Variants in GTF2IRD1 observed in about 807,000 individuals in gnomAD.
GTF2IRD1 encodes general transcription factor II-I repeat domain-containing protein 1.
Under a neutral mutation model 113.2 loss-of-function variants are expected in GTF2IRD1, and 26 were observed. That is an observed-to-expected ratio of 0.23 (90% CI 0.17 to 0.32). The LOEUF (loss-of-function observed/expected upper bound fraction) is 0.32, where lower values mean the gene tolerates loss of function less well. Ranked by LOEUF, GTF2IRD1 falls within the 10% of genes least tolerant of loss-of-function variation. The pLI, the probability that GTF2IRD1 is intolerant of heterozygous loss-of-function variation, is 1.00. For synonymous variants in GTF2IRD1, 484 were observed against 529.1 expected (o/e 0.91, Z 1.17); for missense variants, 864 against 1,280.8 (o/e 0.67, Z 4.97).
chr7:74,502,023 C>G (rs1034475925), intron 1 of GTF2IRD1, among the ~76,000 whole-genome samples: 5 of 152,176 alleles, frequency 3.3e-5, no homozygotes, highest in African/African-American at 1.2e-4. Context: ...TCATAGCTCA[C>G]TACAGCCTCA....
At chr7:74,471,672 T>TAAAAAAAAAAA (rs66929736) in intron 1 of GTF2IRD1, among the ~76,000 whole-genome samples, 34 of 104,652 alleles carry the variant, frequency 3.2e-4, no homozygotes, top group South Asian at 1.1e-3. Context: ...TTGAAATATT[T>TAAAAAAAAAAA]AAAAAAAAAA....
At chr7:74,581,982 G>A (rs1221346674) in intron 22 of GTF2IRD1, among the ~76,000 whole-genome samples, 7 of 152,172 alleles carry the variant, frequency 4.6e-5, no homozygotes, top group Non-Finnish European at 1.0e-4. Context: ...GCTCCAGCCT[G>A]GGCAACAGAG....
At chr7:74,558,158 G>A (rs1554357758) in intron 20 of GTF2IRD1, among the ~76,000 whole-genome samples, 1 of 151,510 alleles carries the variant, frequency 6.6e-6, no homozygotes, top group Admixed American at 6.6e-5. Flanking sequence ...GCACACCTGT[G>A]GTCCCAGCTA....
At chr7:74,479,437 C>T (rs1321667363) in intron 1 of GTF2IRD1, among the ~76,000 whole-genome samples, 1 of 145,990 alleles carries the variant, frequency 6.8e-6, no homozygotes, top group African/African-American at 2.5e-5. Flanking sequence ...GTTTCCTGGG[C>T]AGCCAGTAAT....
At chr7:74,522,499 A>G (rs1417541890) in intron 7 of GTF2IRD1, among the ~76,000 whole-genome samples, 7 of 152,196 alleles carry the variant, frequency 4.6e-5, no homozygotes, top group African/African-American at 1.4e-4. Flanking sequence ...CAGAAGTTCT[A>G]GACCAGCCTG....
chr7:74,513,030 A>G (rs962006537), intron 3 of GTF2IRD1, 59 bp downstream of exon 3: 31 of 1,550,236 alleles, frequency 2.0e-5, no homozygotes, highest in Middle Eastern at 1.9e-4. Context: ...CAGGCGCTCT[A>G]GCCCATCTCT....
intron 1 of GTF2IRD1, among the ~76,000 whole-genome samples, chr7:74,493,993 G>A (rs1554337355): frequency 6.6e-6 from 1 of 152,146 alleles, no homozygotes; most frequent in East Asian, 1.9e-4. Context: ...CCCTCTTGGG[G>A]GGTACAGCAG....
At chr7:74,584,719 C>T (rs1383229868) in intron 22 of GTF2IRD1, among the ~76,000 whole-genome samples, 10 of 152,162 alleles carry the variant, frequency 6.6e-5, no homozygotes, top group African/African-American at 2.2e-4. Context: ...AAGGCTATTG[C>T]GTGACTCAGT....
chr7:74,581,998 C>T (rs1223840128), intron 22 of GTF2IRD1, among the ~76,000 whole-genome samples: 1 of 152,116 alleles, frequency 6.6e-6, no homozygotes, highest in Non-Finnish European at 1.5e-5. Flanking sequence ...CAGAGCCAGA[C>T]CATCTCAACT....
intron 1 of GTF2IRD1, among the ~76,000 whole-genome samples, chr7:74,469,957 T>G (rs1793982137): frequency 6.6e-6 from 1 of 152,094 alleles, no homozygotes; most frequent in Admixed American, 6.6e-5. Context: ...TCATATTCTT[T>G]ATTATGATAT....
At chr7:74,509,250 G>A (rs557243474) in intron 2 of GTF2IRD1, among the ~76,000 whole-genome samples, 4 of 152,074 alleles carry the variant, frequency 2.6e-5, no homozygotes, top group South Asian at 2.1e-4. Context: ...CCAGCTACTC[G>A]GGAGGCTGAG....
chr7:74,482,923 G>A (rs1794823850), intron 1 of GTF2IRD1, among the ~76,000 whole-genome samples: 1 of 152,162 alleles, frequency 6.6e-6, no homozygotes, highest in Admixed American at 6.6e-5. Context: ...CAGGTCTTGC[G>A]CTGAAATTCG....
chr7:74,470,835 G>T (rs1466384874), intron 1 of GTF2IRD1, among the ~76,000 whole-genome samples: 1 of 151,926 alleles, frequency 6.6e-6, no homozygotes, highest in Non-Finnish European at 1.5e-5. Flanking sequence ...ACGGAGCCTT[G>T]CTCTCTTGCC....
At chr7:74,585,612 T>G (rs1801675856) in intron 22 of GTF2IRD1, among the ~76,000 whole-genome samples, 1 of 151,990 alleles carries the variant, frequency 6.6e-6, no homozygotes, top group South Asian at 2.1e-4. Flanking sequence ...CTGGGCATGG[T>G]GGTTCACGTC....
intron 13 of GTF2IRD1, 69 bp from the exon 14 acceptor site, chr7:74,539,810 G>A: frequency 9.3e-7 from 1 of 1,072,400 alleles, no homozygotes; most frequent in South Asian, 1.3e-5. Flanking sequence ...GGCTGGGTGG[G>A]CCCTGAGGGA....
At chr7:74,598,547 C>T (rs112806573) in intron 25 of GTF2IRD1, among the ~76,000 whole-genome samples, 30,460 of 151,656 alleles carry the variant, frequency 0.2, 3,196 homozygotes, top group East Asian at 0.28. Context: ...ACCCAGGAAG[C>T]GGCGGTTGCA....
chr7:74,530,726 A>AG (rs1797917693), intron 9 of GTF2IRD1, among the ~76,000 whole-genome samples: 1 of 151,840 alleles, frequency 6.6e-6, no homozygotes, highest in Non-Finnish European at 1.5e-5. Flanking sequence ...AATAAGCATG[A>AG]GGTGTTTTTT....
chr7:74,595,467 G>C (rs1802356287), intron 25 of GTF2IRD1, among the ~76,000 whole-genome samples: 1 of 151,444 alleles, frequency 6.6e-6, no homozygotes, highest in South Asian at 2.1e-4. Flanking sequence ...AGGCTGCAAT[G>C]AGTTATGATT....
intron 1 of GTF2IRD1, among the ~76,000 whole-genome samples, chr7:74,494,034 C>A (rs1489162948): frequency 6.6e-6 from 1 of 152,146 alleles, no homozygotes; most frequent in Non-Finnish European, 1.5e-5. Flanking sequence ...AGGGTGTATC[C>A]GTTATTTATC....
Sources: allele counts gnomAD v4.1 joint callset (sites outside exome capture counted in the v4.1 genomes callset), GRCh38; gene constraint gnomAD v4.1.1; transcripts MANE v1.5; gene names NCBI Gene and HGNC (gene_info 2026-07-23, HGNC 2026-07-21).